Variants in IMMP1L observed in about 807,000 individuals in gnomAD.
IMMP1L encodes the protein mitochondrial inner membrane protease subunit 1.
Under a neutral mutation model 21.8 loss-of-function variants are expected in IMMP1L, and 24 were observed. That is an observed-to-expected ratio of 1.10 (90% confidence interval 0.80 to 1.55). IMMP1L has a LOEUF of 1.55. Among genes scored for constraint, IMMP1L ranks in the 40% most tolerant of loss-of-function variants. The pLI is 0.00. For synonymous variants in IMMP1L, 46 were observed against 62.8 expected, an observed-to-expected ratio of 0.73 and a Z score of 1.26; for missense variants, 195 against 200.7, an observed-to-expected ratio of 0.97 and a Z score of 0.17.
At chr11:31,441,500 A>G (rs550616468) in intron 4 of IMMP1L, among the ~76,000 whole-genome samples, 1 of 152,234 alleles carries the variant, frequency 6.6e-6, no homozygotes, top group South Asian at 2.1e-4. Flanking sequence ...GAACACATTT[A>G]AACAAACATA....
Position 31,463,245 on chromosome 11 carries a change from C to A in IMMP1L, c.32G>T (p.Arg11Leu). Residue 11 changes from arginine to leucine, a missense_variant, in exon 2 of 6, where the codon CGA becomes CTA. Coordinates refer to ENST00000532287, the MANE Select transcript of IMMP1L (RefSeq NM_001304274.2). MLRGVLGKTF[R>L]LVGYTIQYGC... Reference sequence around the variant, plus strand: ...ATATTGAATAGTATAGCCAACAAGTCGAAAGGTTTTCCCCAGAACACCACG... The same window carrying A: ...ATATTGAATAGTATAGCCAACAAGTAGAAAGGTTTTCCCCAGAACACCACG... The A allele has an allele frequency of 6.2e-7, 1 of 1,612,554 alleles. No individual in the cohort carries two copies. Among genetic ancestry groups the A allele is most frequent in the Non-Finnish European group, 8.5e-7 (1 of 1,179,268 alleles).
At chr11:31,484,030 A>G (rs774266667) in intron 1 of IMMP1L, among the ~76,000 whole-genome samples, 3 of 151,892 alleles carry the variant, frequency 2.0e-5, no homozygotes, top group Non-Finnish European at 4.4e-5. Context: ...TTTAATTTGT[A>G]TAACAAATAT....
At chr11:31,443,548 A>G (rs1007103682) in intron 4 of IMMP1L, among the ~76,000 whole-genome samples, 2 of 152,224 alleles carry the variant, frequency 1.3e-5, no homozygotes, top group Admixed American at 1.3e-4. Context: ...CATTCTGTCT[A>G]CCTGAGCTAA....
intron 1 of IMMP1L, among the ~76,000 whole-genome samples, chr11:31,489,767 C>T (rs1432442056): frequency 6.6e-6 from 1 of 151,700 alleles, no homozygotes; most frequent in African/African-American, 2.4e-5. Flanking sequence ...TTTCTTTTAA[C>T]CTGGTACCTT....
intron 4 of IMMP1L, among the ~76,000 whole-genome samples, chr11:31,447,833 T>C (rs1226078166): frequency 6.6e-6 from 1 of 152,154 alleles, no homozygotes; most frequent in African/African-American, 2.4e-5. Context: ...TTGTTTTAGG[T>C]AGAGAATTGT....
intron 3 of IMMP1L, among the ~76,000 whole-genome samples, chr11:31,459,457 ATTTT>A (rs1342014688): frequency 3.3e-5 from 5 of 152,180 alleles, no homozygotes; most frequent in African/African-American, 1.2e-4. Flanking sequence ...TGGACTCAAA[ATTTT>A]AGGGTATCAG....
chr11:31,443,834 C>T (rs1036712595), intron 4 of IMMP1L, among the ~76,000 whole-genome samples: 3 of 152,120 alleles, frequency 2.0e-5, no homozygotes, highest in Non-Finnish European at 4.4e-5. Flanking sequence ...GGAATTTACA[C>T]AAAAGTTTCA....
chr11:31,446,488 A>T (rs1953525893), intron 4 of IMMP1L, among the ~76,000 whole-genome samples: 2 of 152,238 alleles, frequency 1.3e-5, no homozygotes, highest in African/African-American at 4.8e-5. Flanking sequence ...GTCTTGCTAT[A>T]TTGCCCAGGT....
Position 31,437,509 on chromosome 11 carries a change from A to C in IMMP1L, c.322-3939T>G, listed in dbSNP as rs182859778. ...CTCAGTTTACCAGTAAAAAAACATA[A>C]TGTTTGCAATTACTCCTCCTTTTAA... On this transcript the variant is annotated intron_variant, in intron 4 of 5. Coordinates refer to ENST00000532287, the MANE Select transcript of IMMP1L (RefSeq NM_001304274.2). Among the ~76,000 whole-genome samples the C allele has an allele frequency of 1.4e-4, 22 of 152,250 alleles. No homozygotes were observed. The East Asian group carries it at 4.0e-3, about 28-fold the overall frequency.
chr11:31,484,778 C>T (rs1323905000), intron 1 of IMMP1L, among the ~76,000 whole-genome samples: 1 of 151,830 alleles, frequency 6.6e-6, no homozygotes, highest in Non-Finnish European at 1.5e-5. Flanking sequence ...CTCTCCGGGC[C>T]TCTAAAATAC....
chr11:31,433,416 C>T, intron 5 of IMMP1L, 44 bp downstream of exon 5: 1 of 1,144,184 alleles, frequency 8.7e-7, no homozygotes. Context: ...GAAACTTTTT[C>T]TAGCTCAGAA....
intron 1 of IMMP1L, among the ~76,000 whole-genome samples, chr11:31,496,045 T>G (rs561648082): frequency 6.6e-6 from 1 of 151,928 alleles, no homozygotes; most frequent in Non-Finnish European, 1.5e-5. Flanking sequence ...GAGAAAGTAT[T>G]TGCATATCAT....
chr11:31,496,772 G>T (rs1181744287), intron 1 of IMMP1L, among the ~76,000 whole-genome samples: 1 of 147,364 alleles, frequency 6.8e-6, no homozygotes, highest in Non-Finnish European at 1.5e-5. Flanking sequence ...ATCTGATATA[G>T]GATAATCATA....
At chr11:31,464,033 T>A (rs1954245415) in intron 1 of IMMP1L, among the ~76,000 whole-genome samples, 1 of 152,134 alleles carries the variant, frequency 6.6e-6, no homozygotes, top group African/African-American at 2.4e-5. Context: ...ACTATTTAAC[T>A]GTTACAACTA....
chr11:31,454,700 A>C (rs1953882525), intron 4 of IMMP1L, among the ~76,000 whole-genome samples: 2 of 152,206 alleles, frequency 1.3e-5, no homozygotes, highest in African/African-American at 4.8e-5. Flanking sequence ...TTTACATCTT[A>C]CAGTGCTGGT....
At chr11:31,479,726 A>T (rs1166686666) in intron 1 of IMMP1L, among the ~76,000 whole-genome samples, 1 of 151,994 alleles carries the variant, frequency 6.6e-6, no homozygotes, top group Admixed American at 6.6e-5. Context: ...GTTATAGCTG[A>T]TTATGTGATT....
intron 1 of IMMP1L, 147 bp downstream of exon 1, chr11:31,509,371 GA>G: frequency 5.9e-6 from 1 of 170,792 alleles, no homozygotes; most frequent in South Asian, 1.4e-4. Context: ...AAATGAGCAG[GA>G]AAAAAGTCTA....
At chr11:31,467,110 T>C (rs899838425) in intron 1 of IMMP1L, among the ~76,000 whole-genome samples, 5 of 152,166 alleles carry the variant, frequency 3.3e-5, no homozygotes, top group Admixed American at 1.3e-4. Context: ...TTGTTGGTTG[T>C]AGTATTTTAT....
At chr11:31,436,657 C>T (rs1953131560) in intron 4 of IMMP1L, among the ~76,000 whole-genome samples, 1 of 152,176 alleles carries the variant, frequency 6.6e-6, no homozygotes, top group Non-Finnish European at 1.5e-5. Flanking sequence ...GTCTTGAACT[C>T]CTGACCTCAA....
Sources: allele counts gnomAD v4.1 joint callset (sites outside exome capture counted in the v4.1 genomes callset), GRCh38; gene constraint gnomAD v4.1.1; transcripts MANE v1.5; gene names NCBI Gene and HGNC (gene_info 2026-07-23, HGNC 2026-07-21).